The following EPS15 variants were observed in gnomAD, a reference collection of about 807,000 sequenced individuals.
EPS15 encodes epidermal growth factor receptor substrate 15.
Under a neutral mutation model 113.8 loss-of-function variants are expected in EPS15, and 72 were observed. The observed-to-expected ratio is 0.63, with a 90% CI of 0.52 to 0.77. The LOEUF is 0.77. Among genes scored for constraint, EPS15 ranks in the 30% least tolerant of loss-of-function variants. The pLI, the probability that EPS15 is intolerant of heterozygous loss-of-function variation, is 0.00. For missense variants in EPS15, 1,048 were observed against 1,045.8 expected (o/e 1.00, Z -0.03); for synonymous variants, 344 against 363.4 (o/e 0.95, Z 0.61).
At chr1:51,390,523 C>G (rs1272383464) in intron 21 of EPS15, among the ~76,000 whole-genome samples, 2 of 151,750 alleles carry the variant, frequency 1.3e-5, no homozygotes, top group Non-Finnish European at 2.9e-5. Flanking sequence ...TCAGAGTGAA[C>G]AGGCAACCTA....
At chr1:51,470,605 C>T (rs1213122812) in intron 4 of EPS15, among the ~76,000 whole-genome samples, 1 of 148,046 alleles carries the variant, frequency 6.8e-6, no homozygotes, top group Non-Finnish European at 1.5e-5. Context: ...CAAGATCACG[C>T]CACTGTACTC....
At chr1:51,474,668 T>C (rs901447940) in intron 2 of EPS15, among the ~76,000 whole-genome samples, 2 of 152,026 alleles carry the variant, frequency 1.3e-5, no homozygotes, top group Non-Finnish European at 2.9e-5. Flanking sequence ...CCAAATGAAA[T>C]AGTTTTCTTT....
chr1:51,405,779 TA>T, intron 16 of EPS15, 125 bp downstream of exon 16: 2 of 746,734 alleles, frequency 2.7e-6, no homozygotes, highest in Non-Finnish European at 2.3e-6. Flanking sequence ...TCTCTGCTTC[TA>T]AAAAGGAAAT....
At chr1:51,440,542 T>G (rs1652516675) in intron 11 of EPS15, 110 bp from the exon 12 acceptor site, 1 of 414,176 alleles carries the variant, frequency 2.4e-6, no homozygotes, top group Admixed American at 3.9e-5. Context: ...CATATTTTAC[T>G]GTATTACTGA....
chr1:51,358,703 TTTTTTG>T (rs1162269835), intron 24 of EPS15, among the ~76,000 whole-genome samples: 1,839 of 147,648 alleles, frequency 0.012, 13 homozygotes, highest in Middle Eastern at 0.032. Flanking sequence ...AGATTTGTTT[TTTTTTG>T]TTTTTTTTTT....
Position 51,408,215 on chromosome 1 carries a change from C to G in EPS15, c.1393G>C (p.Glu465Gln), listed in dbSNP as rs887100895. The G allele has an allele frequency of 3.1e-6, 5 of 1,614,124 alleles. No individual in the cohort carries two copies. In the Admixed American group the frequency reaches 8.3e-5, roughly 27 times the overall value. Residue 465 changes from glutamate to glutamine, a missense_variant, in exon 15 of 25, where the codon GAG becomes CAG. Transcript: ENST00000371733. ...SRLQQETAEL[E>Q]ESVESGKAQL... ...GCCTTCCCTGACTCTACACTCTCCTCCAATTCTGCTGTTTCTTGCTGTAGA... is the reference window on the plus strand; with the variant it reads ...GCCTTCCCTGACTCTACACTCTCCTGCAATTCTGCTGTTTCTTGCTGTAGA...
chr1:51,384,059 A>G (rs1647001129), intron 21 of EPS15, among the ~76,000 whole-genome samples: 1 of 152,202 alleles, frequency 6.6e-6, no homozygotes. Flanking sequence ...AATACAATAC[A>G]TTCTGAAAGA....
intron 21 of EPS15, chr1:51,382,185 T>C (rs1284824517): frequency 6.6e-6 from 1 of 152,108 alleles, no homozygotes; most frequent in Non-Finnish European, 1.5e-5. Context: ...CTGAATAATA[T>C]AAATGAGAAG....
chr1:51,513,164 C>T (rs1644657048), intron 1 of EPS15, among the ~76,000 whole-genome samples: 1 of 152,100 alleles, frequency 6.6e-6, no homozygotes, highest in Non-Finnish European at 1.5e-5. Context: ...TTAAAAGTAT[C>T]CTCTGGCCCA....
In EPS15 at chr1:51,468,461, A is replaced by G. The variant is rs1270929444; in HGVS notation, c.309+12T>C. The G allele has an allele frequency of 6.5e-6, 10 of 1,538,212 alleles. No homozygotes were observed. The highest frequency in any genetic ancestry group is 9.0e-6 in the Non-Finnish European group (10 of 1,110,912). On this transcript the variant is annotated intron_variant, in intron 5 of 24. Transcript: ENST00000371733. The stretch of plus-strand genomic sequence containing the variant: ...AAATTAAATACAATTTAAATCTAAA[A>G]GCATTTCTTACAAATCTTGGTGGAG...
At chr1:51,440,518 G>A in intron 11 of EPS15, 86 bp from the exon 12 acceptor site, 1 of 516,444 alleles carries the variant, frequency 1.9e-6, no homozygotes, top group South Asian at 3.8e-5. Context: ...GCTCTACGCA[G>A]ATATAAGGTA....
chr1:51,437,158 A>G (rs1325648548), intron 12 of EPS15, among the ~76,000 whole-genome samples: 1 of 152,160 alleles, frequency 6.6e-6, no homozygotes, highest in Non-Finnish European at 1.5e-5. Flanking sequence ...TCTACTAGAA[A>G]CAATTTGGTG....
chr1:51,397,038 A>T (rs1346334632), intron 20 of EPS15: 2 of 151,684 alleles, frequency 1.3e-5, no homozygotes, highest in Non-Finnish European at 2.9e-5. Flanking sequence ...ATGCTATTAC[A>T]CCTCTAATAT....
At chr1:51,491,094 G>C (rs1282238867) in intron 1 of EPS15, among the ~76,000 whole-genome samples, 1 of 152,122 alleles carries the variant, frequency 6.6e-6, no homozygotes, top group Non-Finnish European at 1.5e-5. Context: ...ATCAGGGCCA[G>C]GTAGTAAAAG....
intron 1 of EPS15, among the ~76,000 whole-genome samples, chr1:51,500,205 T>C (rs1466621470): frequency 3.9e-5 from 6 of 152,262 alleles, no homozygotes; most frequent in Non-Finnish European, 7.3e-5. Flanking sequence ...CAAAGGATAC[T>C]TGAGTTATTT....
chr1:51,510,384 A>C (rs753491689), intron 1 of EPS15, among the ~76,000 whole-genome samples: 1 of 152,254 alleles, frequency 6.6e-6, no homozygotes, highest in Non-Finnish European at 1.5e-5. Flanking sequence ...CTCCCACTTA[A>C]AATACAACCG....
At chr1:51,448,248 G>A in intron 8 of EPS15, 113 bp from the exon 9 acceptor site, 1 of 554,848 alleles carries the variant, frequency 1.8e-6, no homozygotes, top group East Asian at 3.0e-5. Flanking sequence ...CCTTTTTTAA[G>A]AAATTGGGCT....
intron 2 of EPS15, among the ~76,000 whole-genome samples, chr1:51,473,599 C>CAAACA (rs145634039): frequency 6.7e-6 from 1 of 149,494 alleles, no homozygotes; most frequent in Non-Finnish European, 1.5e-5. Context: ...AACAAACAAA[C>CAAACA]AACAACAACA....
At chr1:51,517,549 T>G (rs1644745534) in intron 1 of EPS15, among the ~76,000 whole-genome samples, 1 of 152,218 alleles carries the variant, frequency 6.6e-6, no homozygotes, top group Non-Finnish European at 1.5e-5. Context: ...CTGCCAGAAT[T>G]GGCCAACAGA....
Sources: allele counts gnomAD v4.1 joint callset (sites outside exome capture counted in the v4.1 genomes callset), GRCh38; gene constraint gnomAD v4.1.1; transcripts MANE v1.5; gene names NCBI Gene and HGNC (gene_info 2026-07-23, HGNC 2026-07-21).